Variants in ARHGAP12 observed in about 807,000 individuals in gnomAD.
The protein encoded by ARHGAP12 is rho GTPase-activating protein 12.
Under a neutral mutation model 108.6 loss-of-function variants are expected in ARHGAP12, and 64 were observed. The observed-to-expected ratio is 0.59, with a 90% CI of 0.48 to 0.73. ARHGAP12 has a LOEUF of 0.73. ARHGAP12 is among the 30% of genes least tolerant of loss of function. The pLI is 0.00. For missense variants in ARHGAP12, 940 were observed against 1,005.9 expected (o/e 0.93, Z 0.89); for synonymous variants, 312 against 337.2 (o/e 0.93, Z 0.82).
At chr10:31,926,170 G>T (rs1840030929) in intron 1 of ARHGAP12, among the ~76,000 whole-genome samples, 1 of 151,984 alleles carries the variant, frequency 6.6e-6, no homozygotes, top group Non-Finnish European at 1.5e-5. Flanking sequence ...GGGGAAGGAG[G>T]CTTAGAGACT....
Position 31,899,401 on chromosome 10 carries a change from T to G in ARHGAP12, c.684+8771A>C, listed in dbSNP as rs149900126. Among the ~76,000 whole-genome samples, 750 of 152,218 alleles carry G rather than the reference T, an allele frequency of 4.9e-3. 3 individuals carry two copies. The highest frequency in any genetic ancestry group is 0.015 in the East Asian group (80 of 5,180). ...GACAAAGTGAAATTTAAACCTTACA[T>G]GGAAAAGCAAAAGACTTAGAACAGC... On this transcript the variant is annotated intron_variant, in intron 3 of 19. Coordinates refer to ENST00000344936, the MANE Select transcript of ARHGAP12 (RefSeq NM_018287.7).
intron 1 of ARHGAP12, among the ~76,000 whole-genome samples, chr10:31,918,355 ACACAC>A (rs1207952127): frequency 7.0e-6 from 1 of 142,676 alleles, no homozygotes; most frequent in South Asian, 2.2e-4. Context: ...ACACACACAC[ACACAC>A]CAATGAGATA....
At chr10:31,924,129 C>T (rs759246664) in intron 1 of ARHGAP12, among the ~76,000 whole-genome samples, 3 of 152,086 alleles carry the variant, frequency 2.0e-5, no homozygotes, top group East Asian at 1.9e-4. Context: ...ACAACCACTG[C>T]GGAAAATAAT....
rs771510210 is a variant in ARHGAP12 at position 31,854,168 on chromosome 10, G to GT, written c.986dup (p.Tyr329Ter). The GT allele has an allele frequency of 1.2e-6, 2 of 1,613,278 alleles. No individual in the cohort carries two copies. Among genetic ancestry groups the GT allele is most frequent in the Non-Finnish European group, 1.7e-6 (2 of 1,179,708 alleles). ...AACCACACTGACTATCTGACTGGCT[G>GT]TAAGAAGTGCTGTAGTAGTTTTCTT... ...SSEENYYSTS[Y>*]SQSDSQCGSP... Residue 329 changes from tyrosine (Y) to a stop codon, truncating the protein, a stop_gained and frameshift_variant, in exon 5 of 20, where the codon TAC becomes TAAC. Coordinates refer to ENST00000344936, the MANE Select transcript of ARHGAP12 (RefSeq NM_018287.7). LOFTEE classifies it high-confidence loss of function.
At chr10:31,885,714 G>C (rs1278520214) in intron 3 of ARHGAP12, among the ~76,000 whole-genome samples, 1 of 151,794 alleles carries the variant, frequency 6.6e-6, no homozygotes, top group Non-Finnish European at 1.5e-5. Flanking sequence ...AGCTACTCAG[G>C]AGGCTGAGGC....
At chr10:31,823,239 TACAA>T (rs2132175990) in intron 11 of ARHGAP12, among the ~76,000 whole-genome samples, 1 of 152,118 alleles carries the variant, frequency 6.6e-6, no homozygotes, top group East Asian at 1.9e-4. Flanking sequence ...CAAACAAACA[TACAA>T]ACATACATTT....
chr10:31,922,458 A>G (rs1028509082), intron 1 of ARHGAP12, among the ~76,000 whole-genome samples: 1 of 151,076 alleles, frequency 6.6e-6, no homozygotes, highest in African/African-American at 2.4e-5. Flanking sequence ...GCTGGAGTGC[A>G]GAAGCATAAT....
At chr10:31,865,694 C>T (rs953081061) in intron 3 of ARHGAP12, among the ~76,000 whole-genome samples, 10 of 151,716 alleles carry the variant, frequency 6.6e-5, no homozygotes, top group Non-Finnish European at 1.0e-4. Flanking sequence ...GCTAACATGC[C>T]GAAACCCCAT....
At chr10:31,921,016 CG>C (rs753365511) in intron 1 of ARHGAP12, among the ~76,000 whole-genome samples, 6 of 152,170 alleles carry the variant, frequency 3.9e-5, no homozygotes, top group Non-Finnish European at 8.8e-5. Context: ...GTGGCTCACG[CG>C]TGTAATCCCA....
chr10:31,812,549 ACTATTTTAATTACTTAATGT>A, intron 15 of ARHGAP12, 138 bp downstream of exon 15: 1 of 474,730 alleles, frequency 2.1e-6, no homozygotes, highest in Non-Finnish European at 3.6e-6. Context: ...TTTCAAAAAA[ACTATTTTAATTACTTAATGT>A]CTTTTAATCA....
chr10:31,876,255 C>A (rs987085691), intron 3 of ARHGAP12, among the ~76,000 whole-genome samples: 1 of 152,190 alleles, frequency 6.6e-6, no homozygotes, highest in East Asian at 1.9e-4. Context: ...CAGTGGCTCA[C>A]GCCTGTAATC....
In ARHGAP12 at chr10:31,888,709, T is replaced by C. The variant is rs549997264; in HGVS notation, c.684+19463A>G. The stretch of plus-strand genomic sequence containing the variant: ...CAGCACTTACAATTAAGAGTTCTAA[T>C]ACACAAGGATGAAAGCAGAAAAAAA... On this transcript the variant is annotated intron_variant, in intron 3 of 19. Transcript: ENST00000344936. 1.6e-4 allele frequency among the ~76,000 whole-genome samples: 25 copies of C among 151,944 alleles called. No individual in the cohort carries two copies. In the East Asian group the frequency reaches 2.3e-3, roughly 14 times the overall value.
At chr10:31,920,028 C>A (rs1367566053) in intron 1 of ARHGAP12, among the ~76,000 whole-genome samples, 1 of 151,282 alleles carries the variant, frequency 6.6e-6, no homozygotes, top group African/African-American at 2.4e-5. Flanking sequence ...ATCGCTTGAA[C>A]CTGGGAGGCG....
Position 31,813,142 on chromosome 10 carries a change from T to C in ARHGAP12, c.1835-319A>G, listed in dbSNP as rs528638039. ...CTTTATTTCATAAATGATTAACTACTTATCTTTATTGATTCTCCATCAGTT... is the reference window on the plus strand; with the variant it reads ...CTTTATTTCATAAATGATTAACTACCTATCTTTATTGATTCTCCATCAGTT... On this transcript the variant is annotated intron_variant, in intron 14 of 19. Coordinates refer to ENST00000344936, the MANE Select transcript of ARHGAP12 (RefSeq NM_018287.7). Among the ~76,000 whole-genome samples, 6 of 152,252 alleles carry C rather than the reference T, an allele frequency of 3.9e-5. No individual in the cohort carries two copies. In the South Asian group the frequency reaches 1.2e-3, roughly 32 times the overall value.
chr10:31,895,258 T>A (rs1219742938), intron 3 of ARHGAP12, among the ~76,000 whole-genome samples: 1 of 152,102 alleles, frequency 6.6e-6, no homozygotes, highest in African/African-American at 2.4e-5. Flanking sequence ...TGGGATCGAA[T>A]TAAACTAAAG....
chr10:31,848,899 C>A (rs1836565986), intron 6 of ARHGAP12, among the ~76,000 whole-genome samples: 1 of 151,942 alleles, frequency 6.6e-6, no homozygotes, highest in Admixed American at 6.6e-5. Flanking sequence ...GATGAAACCC[C>A]ATCTCTACTA....
intron 11 of ARHGAP12, among the ~76,000 whole-genome samples, chr10:31,825,430 C>T (rs1835567484): frequency 6.6e-6 from 1 of 152,080 alleles, no homozygotes; most frequent in Non-Finnish European, 1.5e-5. Flanking sequence ...TTAAATTTTA[C>T]TTGAGCATTA....
intron 3 of ARHGAP12, among the ~76,000 whole-genome samples, chr10:31,869,582 C>T (rs1490143842): frequency 6.6e-6 from 1 of 151,934 alleles, no homozygotes; most frequent in African/African-American, 2.4e-5. Flanking sequence ...CCCCTCCCCC[C>T]TAAAAAAAAC....
chr10:31,855,157 A>T (rs1016454894), intron 4 of ARHGAP12, among the ~76,000 whole-genome samples: 3 of 148,552 alleles, frequency 2.0e-5, no homozygotes, highest in Admixed American at 6.7e-5. Context: ...GAGGGGGAGG[A>T]GAAAATAAGG....
Sources: gnomAD v4.1 joint callset for allele counts (sites outside exome capture counted in the v4.1 genomes callset) on GRCh38, gnomAD v4.1.1 for gene constraint, MANE v1.5 for transcripts, NCBI Gene and HGNC (gene_info 2026-07-23, HGNC 2026-07-21) for gene names.